MYO18B: variants seen among roughly 807,000 people sequenced by gnomAD.
MYO18B encodes the protein unconventional myosin-XVIIIb.
MYO18B carries 204 observed loss-of-function variants against 273.0 expected under a neutral mutation model. That is an observed-to-expected ratio of 0.75 (90% confidence interval 0.67 to 0.84). The LOEUF is 0.84. MYO18B is among the 40% of genes least tolerant of loss of function. The pLI, the probability that MYO18B is intolerant of heterozygous loss-of-function variation, is 0.00. For synonymous variants in MYO18B, 1,330 were observed against 1,305.7 expected, an observed-to-expected ratio of 1.02 and a Z score of -0.40; for missense variants, 3,212 against 3,287.6, an observed-to-expected ratio of 0.98 and a Z score of 0.56.
the MYO18B span, among the ~76,000 whole-genome samples, chr22:26,042,391 C>A: frequency 6.6e-6 from 1 of 152,232 alleles, no homozygotes; most frequent in East Asian, 1.9e-4. Context: ...CTAGACCCAT[C>A]CCCCGGCCTG....
intron 34 of MYO18B, among the ~76,000 whole-genome samples, chr22:25,928,119 A>G (rs2092446964): frequency 6.6e-6 from 1 of 152,138 alleles, no homozygotes; most frequent in South Asian, 2.1e-4. Flanking sequence ...TCCAGGGGTT[A>G]AAAGGGCAGA....
rs192656962 is a variant in MYO18B, at chr22:26,007,762, G to A, written c.6470+2907G>A. On this transcript the variant is annotated intron_variant, in intron 42 of 43. Transcript: ENST00000335473. Reference sequence around the variant, plus strand: ...GGGAAATATCTTATCCAAATTTATGGTATGAACTGACACAGAGTACAGGTG... The same window carrying A: ...GGGAAATATCTTATCCAAATTTATGATATGAACTGACACAGAGTACAGGTG... 7.9e-5 allele frequency among the ~76,000 whole-genome samples: 12 copies of A among 152,212 alleles called. No individual in the cohort carries two copies. The East Asian group carries it at 2.1e-3, about 27-fold the overall frequency.
At position 25,902,876 on chromosome 22, in the gene MYO18B, G is replaced by A. The variant is rs562548940; in HGVS notation, c.4947+140G>A. ...GTCTGTCAAGCAGCTGAATCCCAGT[G>A]TGTCTTAATAAAATAGCAAATGGTG... On this transcript the variant is annotated intron_variant, in intron 30 of 43. Coordinates refer to ENST00000335473, the MANE Select transcript of MYO18B (RefSeq NM_032608.7). 5.4e-6 allele frequency: 5 copies of A among 934,416 alleles called. No homozygotes were observed. The Admixed American group carries it at 1.2e-4, about 22-fold the overall frequency. 57.9% of individuals were successfully genotyped at this position (934,416 alleles called of 1,614,324 possible).
the MYO18B span, among the ~76,000 whole-genome samples, chr22:26,039,288 C>G: frequency 6.6e-6 from 1 of 152,202 alleles, no homozygotes; most frequent in African/African-American, 2.4e-5. Flanking sequence ...TGGTCTCTAC[C>G]TGTCTTGCCT....
chr22:25,802,104 C>A (rs769606166), intron 12 of MYO18B, among the ~76,000 whole-genome samples: 20 of 152,362 alleles, frequency 1.3e-4, no homozygotes, highest in Non-Finnish European at 2.9e-4. Context: ...AAGTACCCGA[C>A]CTCCCATACT....
At chr22:25,806,945 C>T (rs1353030520) in intron 12 of MYO18B, among the ~76,000 whole-genome samples, 3 of 152,226 alleles carry the variant, frequency 2.0e-5, no homozygotes, top group Non-Finnish European at 2.9e-5. Flanking sequence ...CTACCTTCTA[C>T]AATCATTGTA....
rs755347673 is a variant in MYO18B at position 25,890,841 on chromosome 22, G to A, written c.4400G>A (p.Arg1467Gln). The change falls in exon 26 of 44, where the codon CGG (arginine) becomes CAG (glutamine). Residue 1467 changes from arginine (R) to glutamine (Q), a missense_variant. By Grantham distance (43) the Arg-to-Gln change is conservative. Transcript: ENST00000335473. The stretch of plus-strand genomic sequence containing the variant: ...GTGCTGGAGAGTGAGCGGGCAGAGC[G>A]GCTACAGGCCTTCCGGGAGGTCCAG... ...CQVLESERAE[R>Q]LQAFREVQEL... The A allele has an allele frequency of 1.2e-5, 19 of 1,613,822 alleles. No homozygotes were observed. Among genetic ancestry groups the A allele is most frequent in the East Asian group, 8.9e-5 (4 of 44,892 alleles).
In MYO18B at chr22:25,777,790, G is replaced by A. The variant is rs781667315; in HGVS notation, c.2068+9G>A. 8 of 1,578,124 alleles carry A rather than the reference G, an allele frequency of 5.1e-6. No individual in the cohort carries two copies. Among genetic ancestry groups the A allele is most frequent in the Non-Finnish European group, 6.9e-6 (8 of 1,162,228 alleles). On this transcript the variant is annotated intron_variant, in intron 8 of 43. Coordinates refer to ENST00000335473, the MANE Select transcript of MYO18B (RefSeq NM_032608.7). ...GGATGGCAGGGTCTCAGGTATGGTGGTCTCTAGGTGACATGGAGAGTTGGG... is the reference window on the plus strand; with the variant it reads ...GGATGGCAGGGTCTCAGGTATGGTGATCTCTAGGTGACATGGAGAGTTGGG...
At chr22:25,757,874 CT>C (rs1278195652) in intron 1 of MYO18B, among the ~76,000 whole-genome samples, 1 of 152,238 alleles carries the variant, frequency 6.6e-6, no homozygotes, top group African/African-American at 2.4e-5. Flanking sequence ...CTCAATCTTA[CT>C]TTACAAGCTG....
chr22:25,874,443 T>G (rs770124141), intron 23 of MYO18B, 29 bp downstream of exon 23: 14 of 1,601,762 alleles, frequency 8.7e-6, no homozygotes, highest in Non-Finnish European at 1.1e-5. Flanking sequence ...ATGAGGAGTC[T>G]GATCCAACGG....
chr22:25,824,219 T>C (rs2089400876), intron 13 of MYO18B, among the ~76,000 whole-genome samples: 1 of 151,676 alleles, frequency 6.6e-6, no homozygotes, highest in East Asian at 1.9e-4. Flanking sequence ...TGGATGAAGG[T>C]TGGGGAGTGA....
intron 38 of MYO18B, among the ~76,000 whole-genome samples, 157 bp from the exon 39 acceptor site, chr22:25,955,022 T>C (rs1472841326): frequency 1.3e-5 from 2 of 152,134 alleles, no homozygotes; most frequent in East Asian, 1.9e-4. Flanking sequence ...ATTTTTTGCA[T>C]GTTGTTAATT....
rs780085563 is a variant in MYO18B, at chr22:25,921,315, A to T, written c.5423A>T (p.His1808Leu). 6.4e-7 allele frequency: 1 copy of T among 1,567,330 alleles called. No individual in the cohort carries two copies. Among genetic ancestry groups the T allele is most frequent in the East Asian group, 2.4e-5 (1 of 42,150 alleles). ...CTTCGGAGAGACCTCAGGAGGACAC[A>T]TGCACTGTTGTCAGACGTGCAGCTC... is the stretch of plus-strand genomic sequence containing the variant. ...KRLRRDLRRT[H>L]ALLSDVQLLL... The change falls in exon 34 of 44, where the codon CAT becomes CTT. Residue 1808 changes from histidine to leucine, a missense_variant. By Grantham distance (99) the His-to-Leu change is moderately conservative. Transcript: ENST00000335473.
chr22:25,909,962 G>C (rs1322267749), intron 32 of MYO18B, among the ~76,000 whole-genome samples: 4 of 152,150 alleles, frequency 2.6e-5, no homozygotes, highest in Admixed American at 2.6e-4. Context: ...CGTGAAATAG[G>C]ATCTCTGATG....
chr22:25,833,093 C>A, intron 16 of MYO18B, 96 bp downstream of exon 16: 1 of 1,147,280 alleles, frequency 8.7e-7, no homozygotes, highest in Non-Finnish European at 1.3e-6. Flanking sequence ...GTTGTCAATG[C>A]CGTGTGCACC....
At chr22:25,881,545 C>T (rs1052137617) in intron 25 of MYO18B, among the ~76,000 whole-genome samples, 3 of 152,198 alleles carry the variant, frequency 2.0e-5, no homozygotes, top group Non-Finnish European at 4.4e-5. Context: ...TCCTTCCCAC[C>T]GAGCTGACAT....
At chr22:25,929,914 T>C (rs1246786294) in intron 34 of MYO18B, among the ~76,000 whole-genome samples, 2 of 152,164 alleles carry the variant, frequency 1.3e-5, no homozygotes, top group Non-Finnish European at 2.9e-5. Flanking sequence ...CTTTGTGTGT[T>C]CAAGATCCAT....
At chr22:25,935,109 T>C (rs942891799) in intron 34 of MYO18B, among the ~76,000 whole-genome samples, 14 of 152,188 alleles carry the variant, frequency 9.2e-5, no homozygotes, top group African/African-American at 3.4e-4. Context: ...GGCCACCGCA[T>C]GTAGAGTCCA....
At position 25,768,400 on chromosome 22, in the gene MYO18B, C is replaced by G. The variant is rs1191480109; in HGVS notation, c.484C>G (p.Pro162Ala). 1.2e-6 allele frequency: 2 copies of G among 1,613,716 alleles called. No homozygotes were observed. The highest frequency in any genetic ancestry group is 2.2e-5 in the South Asian group (2 of 91,006). The change falls in exon 4 of 44, where the codon CCG (proline) becomes GCG (alanine). Residue 162 changes from proline to alanine, a missense_variant. Pro to Ala is a conservative substitution (Grantham distance 27, BLOSUM62 -1). Coordinates refer to ENST00000335473, the MANE Select transcript of MYO18B (RefSeq NM_032608.7). ...GTTGTTGATGGTGGCCAAGCTGGACCCGGACTCAGCCAAGCCAGAGAAGAC... is the reference window on the plus strand; with the variant it reads ...GTTGTTGATGGTGGCCAAGCTGGACGCGGACTCAGCCAAGCCAGAGAAGAC... ...DVLLMVAKLD[P>A]DSAKPEKTHP...
Sources: gnomAD v4.1 joint callset for allele counts (sites outside exome capture counted in the v4.1 genomes callset) on GRCh38, gnomAD v4.1.1 for gene constraint, MANE v1.5 for transcripts, NCBI Gene and HGNC (gene_info 2026-07-23, HGNC 2026-07-21) for gene names.